TAFA4: variants seen among roughly 807,000 people sequenced by gnomAD.
TAFA4 encodes TAFA chemokine like family member 4.
TAFA4 carries 20 observed loss-of-function variants against 21.1 expected under a neutral mutation model. The observed-to-expected ratio is 0.95, with a 90% confidence interval of 0.67 to 1.38. TAFA4 has a LOEUF of 1.38. Among genes scored for constraint, TAFA4 ranks in the 40% most tolerant of loss-of-function variants. The pLI is 0.00. For synonymous variants in TAFA4, 71 were observed against 67.4 expected, an observed-to-expected ratio of 1.05 and a Z score of -0.26; for missense variants, 211 against 180.9, an observed-to-expected ratio of 1.17 and a Z score of -0.95.
chr3:68,871,180 A>C (rs1311350977), intron 3 of TAFA4, among the ~76,000 whole-genome samples: 1 of 152,146 alleles, frequency 6.6e-6, no homozygotes, highest in African/African-American at 2.4e-5. Context: ...CAGAAATACC[A>C]TTTGACCCAG....
intron 3 of TAFA4, among the ~76,000 whole-genome samples, chr3:68,862,489 A>G (rs1254411714): frequency 1.3e-5 from 2 of 152,090 alleles, no homozygotes; most frequent in Admixed American, 1.3e-4. Context: ...AGCCTAATTA[A>G]CCTGCTTATT....
intron 1 of TAFA4, among the ~76,000 whole-genome samples, chr3:68,919,089 T>C (rs942028717): frequency 4.6e-5 from 7 of 152,188 alleles, no homozygotes; most frequent in African/African-American, 1.7e-4. Context: ...GTCCACTGCT[T>C]CAACCAGTTA....
chr3:68,737,874 C>G (rs6777235), intron 5 of TAFA4, among the ~76,000 whole-genome samples: 98,281 of 151,986 alleles, frequency 0.65, 32,384 homozygotes, highest in East Asian at 0.98. Flanking sequence ...GAACCAAAGA[C>G]TCACTCCATT....
intron 3 of TAFA4, among the ~76,000 whole-genome samples, chr3:68,849,098 T>C (rs1704881450): frequency 1.3e-5 from 2 of 152,326 alleles, no homozygotes; most frequent in South Asian, 2.1e-4. Context: ...TTTTCCATGA[T>C]ATATTTTTCT....
chr3:68,762,712 T>C (rs1169800756), intron 3 of TAFA4, among the ~76,000 whole-genome samples: 6 of 152,200 alleles, frequency 3.9e-5, no homozygotes, highest in Non-Finnish European at 8.8e-5. Context: ...ATGCAAATAT[T>C]ACAAAAGATG....
intron 3 of TAFA4, among the ~76,000 whole-genome samples, chr3:68,876,738 G>GA (rs71819894): frequency 0.15 from 22,470 of 148,710 alleles, 2,742 homozygotes; most frequent in African/African-American, 0.34. Context: ...ATTTATAACA[G>GA]AAAAAAAAAC....
intron 4 of TAFA4, among the ~76,000 whole-genome samples, chr3:68,750,402 A>C (rs1032267054): frequency 6.6e-5 from 10 of 152,260 alleles, no homozygotes; most frequent in Admixed American, 6.5e-5. Context: ...GTACCAGCAC[A>C]CAAAGATTTC....
chr3:68,782,402 G>T (rs2106798469), intron 3 of TAFA4, among the ~76,000 whole-genome samples: 1 of 152,170 alleles, frequency 6.6e-6, no homozygotes, highest in African/African-American at 2.4e-5. Flanking sequence ...GATGTAAAAT[G>T]GTGCAAAACA....
chr3:68,814,188 T>C (rs1703908361), intron 3 of TAFA4, among the ~76,000 whole-genome samples: 1 of 151,462 alleles, frequency 6.6e-6, no homozygotes, highest in Admixed American at 6.6e-5. Flanking sequence ...CAGCTATCTA[T>C]GACAAACCCA....
chr3:68,735,801 A>G (rs1342667664), intron 5 of TAFA4, among the ~76,000 whole-genome samples: 1 of 152,176 alleles, frequency 6.6e-6, no homozygotes. Context: ...TACTGAAAAA[A>G]ATATACTATT....
intron 1 of TAFA4, among the ~76,000 whole-genome samples, chr3:68,895,084 G>A (rs1466948479): frequency 6.6e-6 from 1 of 151,796 alleles, no homozygotes. Flanking sequence ...TGCAACCTCT[G>A]CCTCCTGGGT....
At chr3:68,906,976 A>G (rs1271831627) in intron 1 of TAFA4, among the ~76,000 whole-genome samples, 4 of 137,158 alleles carry the variant, frequency 2.9e-5, no homozygotes, top group Admixed American at 8.2e-5. Context: ...GGCTGCAGTG[A>G]GCCAAGATTG....
chr3:68,930,733 G>A (rs2090150972), intron 1 of TAFA4, among the ~76,000 whole-genome samples: 2 of 152,162 alleles, frequency 1.3e-5, no homozygotes, highest in South Asian at 4.1e-4. Flanking sequence ...ATTAAGGCCT[G>A]TATTTCCCAT....
At chr3:68,738,056 CA>C (rs1163723925) in intron 5 of TAFA4, among the ~76,000 whole-genome samples, 1 of 152,062 alleles carries the variant, frequency 6.6e-6, no homozygotes, top group Non-Finnish European at 1.5e-5. Flanking sequence ...AGGTATTAAG[CA>C]AAATATGGAT....
chr3:68,817,393 T>C (rs958578335), intron 3 of TAFA4, among the ~76,000 whole-genome samples: 1 of 152,288 alleles, frequency 6.6e-6, no homozygotes, highest in Admixed American at 6.5e-5. Flanking sequence ...AAATTCCTCA[T>C]AGTCATCCAT....
chr3:68,772,170 G>A (rs574746181), intron 3 of TAFA4, among the ~76,000 whole-genome samples: 37 of 152,238 alleles, frequency 2.4e-4, no homozygotes, highest in African/African-American at 7.2e-4. Context: ...TTCAATCCAC[G>A]TTCAACGAAG....
At chr3:68,785,256 G>A (rs1484175462) in intron 3 of TAFA4, among the ~76,000 whole-genome samples, 2 of 152,264 alleles carry the variant, frequency 1.3e-5, no homozygotes, top group Non-Finnish European at 1.5e-5. Flanking sequence ...TTCACCCAGT[G>A]GATCTCGCAC....
At chr3:68,749,688 G>A (rs1702525714) in intron 4 of TAFA4, among the ~76,000 whole-genome samples, 1 of 152,170 alleles carries the variant, frequency 6.6e-6, no homozygotes, top group Non-Finnish European at 1.5e-5. Context: ...ACAATGTTAG[G>A]TATAGGAGAC....
intron 5 of TAFA4, among the ~76,000 whole-genome samples, chr3:68,733,499 T>C (rs1021371389): frequency 6.6e-6 from 1 of 152,240 alleles, no homozygotes. Context: ...AAATAAATGG[T>C]TGATTAAAAT....
Sources: allele counts gnomAD v4.1 joint callset (sites outside exome capture counted in the v4.1 genomes callset), GRCh38; gene constraint gnomAD v4.1.1; transcripts MANE v1.5; gene names NCBI Gene and HGNC (gene_info 2026-07-23, HGNC 2026-07-21).